XRCC4: variants seen among roughly 807,000 people sequenced by gnomAD.
The protein encoded by XRCC4 is X-ray repair cross complementing 4.
XRCC4 carries 28 observed loss-of-function variants against 39.1 expected under a neutral mutation model. The ratio of observed to expected loss-of-function variants is 0.72; its 90% CI spans 0.53 to 0.98. The LOEUF (loss-of-function observed/expected upper bound fraction) is 0.98. Ranked by LOEUF, XRCC4 falls within the 50% of genes least tolerant of loss-of-function variation. XRCC4 has a pLI of 0.00. For synonymous variants in XRCC4, 123 were observed against 126.4 expected (o/e 0.97, Z 0.18); for missense variants, 350 against 376.4 (o/e 0.93, Z 0.58).
rs1277864722 is a variant in XRCC4, at chr5:83,195,912, G to A, written c.458G>A (p.Arg153Lys). 1.1e-5 allele frequency: 18 copies of A among 1,610,780 alleles called. No individual in the cohort carries two copies. The highest frequency in any genetic ancestry group is 1.5e-5 in the Non-Finnish European group (18 of 1,178,388). Residue 153 changes from arginine (R) to lysine (K), a missense_variant, in exon 4 of 8, where the codon AGA (arginine) becomes AAA (lysine). Transcript: ENST00000396027. ...CAGAAAGAAAATGAAAGGCTTCTGA[G>A]AGATTGGAATGATGTTCAAGGACGG... is the stretch of plus-strand genomic sequence containing the variant. ...HLQKENERLL[R>K]DWNDVQGRFE... is the part of the protein sequence containing the mutation.
chr5:83,138,206 A>G (rs989393482), intron 3 of XRCC4, among the ~76,000 whole-genome samples: 1 of 152,144 alleles, frequency 6.6e-6, no homozygotes, highest in African/African-American at 2.4e-5. Context: ...ATGATTTTAT[A>G]CACATAGTCA....
At chr5:83,214,417 A>C (rs1751771478) in intron 6 of XRCC4, among the ~76,000 whole-genome samples, 1 of 152,210 alleles carries the variant, frequency 6.6e-6, no homozygotes, top group Admixed American at 6.5e-5. Context: ...ATGCATAAGC[A>C]AAAAATGAAA....
chr5:83,143,530 TG>T (rs1748285460), intron 3 of XRCC4, among the ~76,000 whole-genome samples: 1 of 152,230 alleles, frequency 6.6e-6, no homozygotes, highest in African/African-American at 2.4e-5. Flanking sequence ...CCATTTCTTT[TG>T]CTTCTTATTC....
chr5:83,246,661 T>C (rs2112861818), intron 6 of XRCC4, among the ~76,000 whole-genome samples: 1 of 152,294 alleles, frequency 6.6e-6, no homozygotes, highest in South Asian at 2.1e-4. Context: ...AATGTGAGCA[T>C]ACATGAAACA....
intron 7 of XRCC4, among the ~76,000 whole-genome samples, chr5:83,280,818 T>C (rs1754510862): frequency 6.6e-6 from 1 of 152,196 alleles, no homozygotes; most frequent in South Asian, 2.1e-4. Flanking sequence ...AATCTGTTTA[T>C]CTGTTGTTTA....
intron 7 of XRCC4, among the ~76,000 whole-genome samples, chr5:83,293,726 C>T (rs955338468): frequency 1.3e-5 from 2 of 151,948 alleles, no homozygotes; most frequent in Non-Finnish European, 2.9e-5. Flanking sequence ...TGGCACTTAG[C>T]ATGATACTTG....
intron 6 of XRCC4, among the ~76,000 whole-genome samples, chr5:83,218,439 G>C (rs552443299): frequency 6.6e-6 from 1 of 151,822 alleles, no homozygotes; most frequent in African/African-American, 2.4e-5. Flanking sequence ...AAAGAAAACA[G>C]GTATTTCCTA....
intron 6 of XRCC4, among the ~76,000 whole-genome samples, chr5:83,218,057 CT>C (rs1025126667): frequency 4.6e-5 from 6 of 130,594 alleles, no homozygotes; most frequent in Non-Finnish European, 7.6e-5. Flanking sequence ...CAGTCTTTAC[CT>C]TTTTTATATA....
intron 6 of XRCC4, among the ~76,000 whole-genome samples, chr5:83,246,583 C>T (rs375506505): frequency 6.6e-5 from 10 of 151,990 alleles, no homozygotes; most frequent in Admixed American, 2.0e-4. Flanking sequence ...GCATCTAATA[C>T]GTACCAAGCA....
At chr5:83,192,306 A>AAT (rs1032293813) in intron 3 of XRCC4, among the ~76,000 whole-genome samples, 5 of 104,094 alleles carry the variant, frequency 4.8e-5, no homozygotes, top group Admixed American at 8.5e-5. Context: ...ACGTATATAT[A>AAT]ATATATATAT....
chr5:83,273,439 G>A (rs1271677684), intron 7 of XRCC4, among the ~76,000 whole-genome samples: 6 of 152,118 alleles, frequency 3.9e-5, no homozygotes, highest in African/African-American at 7.2e-5. Context: ...GATCCCATTC[G>A]TTAATTTTGG....
At chr5:83,162,558 G>A (rs1222365534) in intron 3 of XRCC4, among the ~76,000 whole-genome samples, 2 of 152,134 alleles carry the variant, frequency 1.3e-5, no homozygotes, top group African/African-American at 4.8e-5. Context: ...AGAAAAGTGT[G>A]GAAGCTTTTG....
At chr5:83,209,952 G>A (rs1751576956) in intron 6 of XRCC4, among the ~76,000 whole-genome samples, 1 of 152,090 alleles carries the variant, frequency 6.6e-6, no homozygotes, top group Admixed American at 6.6e-5. Context: ...TTAACCAACA[G>A]GAAGGTCCCT....
At chr5:83,306,322 T>G (rs1391731882) in intron 7 of XRCC4, among the ~76,000 whole-genome samples, 1 of 152,116 alleles carries the variant, frequency 6.6e-6, no homozygotes, top group African/African-American at 2.4e-5. Context: ...ACATTAAAAT[T>G]TACCCAATAT....
intron 3 of XRCC4, among the ~76,000 whole-genome samples, chr5:83,134,239 C>T (rs62372752): frequency 0.46 from 69,712 of 151,970 alleles, 16,893 homozygotes; most frequent in African/African-American, 0.59. Flanking sequence ...CAAAGTCCCG[C>T]GGTGAGTGCC....
At chr5:83,238,553 T>C (rs937165198) in intron 6 of XRCC4, among the ~76,000 whole-genome samples, 1 of 152,028 alleles carries the variant, frequency 6.6e-6, no homozygotes, top group African/African-American at 2.4e-5. Context: ...AGCCTAATTT[T>C]AAATAAGACA....
chr5:83,261,356 G>T (rs578025203), intron 7 of XRCC4, among the ~76,000 whole-genome samples: 1 of 151,808 alleles, frequency 6.6e-6, no homozygotes, highest in South Asian at 2.1e-4. Flanking sequence ...CATCAATTAG[G>T]TCATGTACCC....
chr5:83,227,198 A>T (rs1259493965), intron 6 of XRCC4, among the ~76,000 whole-genome samples: 1 of 152,060 alleles, frequency 6.6e-6, no homozygotes, highest in Non-Finnish European at 1.5e-5. Flanking sequence ...CTACTGTGTA[A>T]ATATGTTTCT....
chr5:83,370,658 C>T, the XRCC4 span, among the ~76,000 whole-genome samples: 1 of 152,244 alleles, frequency 6.6e-6, no homozygotes, highest in South Asian at 2.1e-4. Flanking sequence ...TCACTGAATA[C>T]CTGGTCACCA....
Sources: allele counts gnomAD v4.1 joint callset (sites outside exome capture counted in the v4.1 genomes callset), GRCh38; gene constraint gnomAD v4.1.1; transcripts MANE v1.5; gene names NCBI Gene and HGNC (gene_info 2026-07-23, HGNC 2026-07-21).